Variants in SCLY observed in about 807,000 individuals in gnomAD.
SCLY encodes putative selenocysteine lyase.
In SCLY, 38 loss-of-function variants were observed where a neutral mutation model predicts 50.1. The observed-to-expected ratio is 0.76, with a 90% CI of 0.59 to 0.99. The LOEUF is 0.99. SCLY is among the 50% of genes least tolerant of loss of function. SCLY has a pLI of 0.00. For synonymous variants in SCLY, 243 were observed against 249.4 expected (o/e 0.97, Z 0.24); for missense variants, 600 against 620.0 (o/e 0.97, Z 0.34).
intron 1 of SCLY, among the ~76,000 whole-genome samples, chr2:238,062,465 A>G (rs1005718645): frequency 7.3e-5 from 11 of 150,906 alleles, no homozygotes; most frequent in African/African-American, 2.7e-4. Context: ...GCTGGAGTGC[A>G]GTGGTGCAGT....
intron 7 of SCLY, among the ~76,000 whole-genome samples, chr2:238,088,487 C>T (rs2065324774): frequency 6.6e-6 from 1 of 151,920 alleles, no homozygotes; most frequent in East Asian, 1.9e-4. Flanking sequence ...AGAAAAAATG[C>T]AATCAAGGCA....
chr2:238,094,618 T>C lies in SCLY; in HGVS notation c.1108+96T>C, dbSNP rs1174002361. ...CCAGTGACTCCCACTCGCCCTGCCC[T>C]GAGCATGACACAGCTCGGGCTGTCA... On this transcript the variant is annotated intron_variant, in intron 10 of 11. Coordinates refer to ENST00000254663, the MANE Select transcript of SCLY (RefSeq NM_016510.7). 5 of 1,060,656 alleles carry C rather than the reference T, an allele frequency of 4.7e-6. No homozygotes were observed. The Admixed American group carries it at 9.1e-5, about 19-fold the overall frequency. The allele number at this position is 1,060,656 out of a possible 1,614,324, so 65.7% of individuals were successfully genotyped here. A position where few individuals can be genotyped will look rare whatever the true frequency, so the allele number is the denominator to read the frequency against.
At chr2:238,082,937 A>C (rs1019077032) in intron 6 of SCLY, 3 of 331,190 alleles carry the variant, frequency 9.1e-6, no homozygotes, top group East Asian at 7.3e-5. Flanking sequence ...TTTTTTTTAA[A>C]CCTGTGATTC....
chr2:238,091,189 A>G (rs200211030), intron 7 of SCLY, 29 bp from the exon 8 acceptor site: 1 of 1,598,216 alleles, frequency 6.3e-7, no homozygotes, highest in East Asian at 2.2e-5. Context: ...ACATTTGTTT[A>G]TTCTTGCTTA....
intron 7 of SCLY, among the ~76,000 whole-genome samples, chr2:238,088,032 G>A (rs983832101): frequency 1.3e-5 from 2 of 152,200 alleles, no homozygotes; most frequent in African/African-American, 4.8e-5. Flanking sequence ...GGAGGTCAAG[G>A]CTGCATGAGC....
In SCLY at chr2:238,069,149, A is replaced by G; in HGVS notation, c.304-148A>G. ...GTTTTTGAATGTTGGAAAACCCCAAATCTTTCAAAAGGTCCCACTCAGGAA... is the reference window on the plus strand; with the variant it reads ...GTTTTTGAATGTTGGAAAACCCCAAGTCTTTCAAAAGGTCCCACTCAGGAA... On this transcript the variant is annotated intron_variant, in intron 3 of 11. Transcript: ENST00000254663. The surrounding 1 kb of genome is among the most constrained non-coding windows in gnomAD (Gnocchi z 5.0). 1.5e-6 allele frequency: 1 copy of G among 667,550 alleles called. No homozygotes were observed. 41.4% of individuals were successfully genotyped at this position (667,550 alleles called of 1,614,324 possible).
intron 4 of SCLY, among the ~76,000 whole-genome samples, chr2:238,073,316 T>A (rs1405475376): frequency 1.3e-5 from 2 of 152,234 alleles, no homozygotes; most frequent in African/African-American, 2.4e-5. Context: ...TGTTATTTTT[T>A]AATATTGTTT....
chr2:238,071,961 A>G lies in SCLY; in HGVS notation c.484+2484A>G, dbSNP rs566766220. Among the ~76,000 whole-genome samples the G allele has an allele frequency of 3.9e-5, 6 of 152,252 alleles. No individual in the cohort carries two copies. The South Asian group carries it at 1.0e-3, about 26-fold the overall frequency. ...ACCAGGTTGTGCAGCCATCACCACT[A>G]TATTTTTCAGTTATAGAAAATTTTT... On this transcript the variant is annotated intron_variant, in intron 4 of 11. Transcript: ENST00000254663.
Position 238,067,935 on chromosome 2 carries a change from T to C in SCLY, c.203-130T>C. 1 of 632,630 alleles carries C rather than the reference T, an allele frequency of 1.6e-6. No homozygotes were observed. The highest frequency in any genetic ancestry group is 2.7e-6 in the Non-Finnish European group (1 of 367,074). 39.2% of individuals were successfully genotyped at this position (632,630 alleles called of 1,614,324 possible). On this transcript the variant is annotated intron_variant, in intron 2 of 11. Transcript: ENST00000254663. The surrounding 1 kb of genome is among the most constrained non-coding windows in gnomAD (Gnocchi z 4.3). ...TTGTAGCATTTTGCTGTGCTCACAT[T>C]AAGGGGCCAGGTTTTGTCTTAGAAC...
chr2:238,064,384 G>T lies in SCLY; in HGVS notation c.117G>T (p.Thr39=). ...AAGTTTATATGGACTATAATGCAACGACTCCCCTGGAGCCAGAAGTTATCC... is the reference window on the plus strand; with the variant it reads ...AAGTTTATATGGACTATAATGCAACTACTCCCCTGGAGCCAGAAGTTATCC... ...ERKVYMDYNA[T]TPLEPEVIQA... is the part of the protein sequence containing the mutation. The change falls in exon 2 of 12, where the codon ACG becomes ACT. Residue 39 remains threonine, a synonymous_variant. Transcript: ENST00000254663. The T allele has an allele frequency of 6.2e-7, 1 of 1,608,540 alleles. No homozygotes were observed. Among genetic ancestry groups the T allele is most frequent in the South Asian group, 1.1e-5 (1 of 89,956 alleles).
chr2:238,069,477 G>A lies in SCLY; in HGVS notation c.484G>A (p.Ala162Thr). The A allele has an allele frequency of 6.2e-7, 1 of 1,610,884 alleles. No homozygotes were observed. Among genetic ancestry groups the A allele is most frequent in the Non-Finnish European group, 8.5e-7 (1 of 1,178,348 alleles). The change falls in exon 4 of 12, where the codon GCG (alanine) becomes ACG (threonine). Residue 162 changes from alanine (A) to threonine (T), a missense_variant and splice_region_variant. Ala to Thr is a moderately conservative substitution (Grantham distance 58). Coordinates refer to ENST00000254663, the MANE Select transcript of SCLY (RefSeq NM_016510.7). The surrounding 1 kb of genome is among the most constrained non-coding windows in gnomAD (Gnocchi z 5.0). ...GCACCTGGTGGAAGAACAAGTGGCA[G>A]GTGAGTGAGTGCAGGGTGGCCCTGG... ...LEHLVEEQVAAVTFVPVSKVS... is the reference protein window; with the variant it reads ...LEHLVEEQVATVTFVPVSKVS...
chr2:238,094,672 G>A (rs1319798477), intron 10 of SCLY, 150 bp downstream of exon 10: 1 of 654,218 alleles, frequency 1.5e-6, no homozygotes, highest in Admixed American at 2.8e-5. Flanking sequence ...GCCAAGAGCA[G>A]GCTCGGGTGG....
chr2:238,086,730 A>AG (rs2065301901), intron 7 of SCLY, among the ~76,000 whole-genome samples: 1 of 149,114 alleles, frequency 6.7e-6, no homozygotes, highest in Non-Finnish European at 1.5e-5. Flanking sequence ...AAAAAAAAAG[A>AG]CAATATTGGC....
Position 238,083,138 on chromosome 2 carries a change from G to T in SCLY, c.778-110G>T, listed in dbSNP as rs898689243. The T allele has an allele frequency of 3.7e-6, 3 of 818,572 alleles. No homozygotes were observed. The highest frequency in any genetic ancestry group is 2.2e-4 in the Middle Eastern group (1 of 4,508). The allele number at this position is 818,572 out of a possible 1,614,324, so 50.7% of individuals were successfully genotyped here. A position where few individuals can be genotyped will look rare whatever the true frequency, so the allele number is the denominator to read the frequency against. On this transcript the variant is annotated intron_variant, in intron 6 of 11. Transcript: ENST00000254663. This position sits in a 1 kb window ranked among gnomAD's most constrained non-coding sequence, Gnocchi z 4.3. The stretch of plus-strand genomic sequence containing the variant: ...CAGAGGCGCCACAAGGAAGCAGCAG[G>T]ACTATGCATTGCAGAGCATTTCTCC...
chr2:238,094,321 C>A, intron 9 of SCLY, 99 bp from the exon 10 acceptor site: 1 of 978,616 alleles, frequency 1.0e-6, no homozygotes, highest in Non-Finnish European at 1.6e-6. Context: ...AAAGTATGCA[C>A]CTGCTGAAGT....
rs534501164 is a variant in SCLY, at chr2:238,078,297, G to A, written c.485-3412G>A. On this transcript the variant is annotated intron_variant, in intron 4 of 11. Transcript: ENST00000254663. ...TCTGACAGCCTCTGCCTTTTTATTA[G>A]ATTGTTTAATCATTCACACTTAATG... is the stretch of plus-strand genomic sequence containing the variant. 3.3e-5 allele frequency among the ~76,000 whole-genome samples: 5 copies of A among 152,192 alleles called. No homozygotes were observed. In the South Asian group the frequency reaches 1.0e-3, roughly 32 times the overall value.
intron 4 of SCLY, among the ~76,000 whole-genome samples, chr2:238,074,532 G>A (rs2065154884): frequency 6.6e-6 from 1 of 152,206 alleles, no homozygotes; most frequent in Non-Finnish European, 1.5e-5. Context: ...TGTCCAGGCT[G>A]GAGTGCAATG....
intron 1 of SCLY, among the ~76,000 whole-genome samples, chr2:238,063,157 A>G (rs1458489575): frequency 6.6e-6 from 1 of 152,104 alleles, no homozygotes. Context: ...ATGTCAGATG[A>G]TGATGCTGCC....
In SCLY at chr2:238,067,980, T is replaced by C; in HGVS notation, c.203-85T>C. The C allele has an allele frequency of 1.0e-6, 1 of 993,518 alleles. No homozygotes were observed. The highest frequency in any genetic ancestry group is 1.5e-5 in the South Asian group (1 of 64,752). 61.5% of individuals were successfully genotyped at this position (993,518 alleles called of 1,614,324 possible). A position where few individuals can be genotyped will look rare whatever the true frequency, so the allele number is the denominator to read the frequency against. ...TAGAACGGCCCACGCAGACCTCTTA[T>C]TCCTTTGTATTTGGTTGTCCTTTTA... On this transcript the variant is annotated intron_variant, in intron 2 of 11. Transcript: ENST00000254663. The surrounding 1 kb of genome is among the most constrained non-coding windows in gnomAD (Gnocchi z 4.3).
Sources: allele counts gnomAD v4.1 joint callset (sites outside exome capture counted in the v4.1 genomes callset), GRCh38; gene constraint gnomAD v4.1.1; non-coding constraint Gnocchi (gnomAD v3.1); transcripts MANE v1.5; gene names NCBI Gene and HGNC (gene_info 2026-07-23, HGNC 2026-07-21).